GALNT2: variants seen among roughly 807,000 people sequenced by gnomAD.
GALNT2 encodes the protein polypeptide N-acetylgalactosaminyltransferase 2, also known as UDP-GalNAc:polypeptide N-acetylgalactosaminyltransferase 2.
In GALNT2, 31 loss-of-function variants were observed where a neutral mutation model predicts 81.4. The ratio of observed to expected loss-of-function variants is 0.38; its 90% CI spans 0.29 to 0.51. GALNT2 has a LOEUF of 0.51. GALNT2 is among the 20% of genes least tolerant of loss of function. The pLI is 0.87. For synonymous variants in GALNT2, 303 were observed against 287.4 expected (o/e 1.05, Z -0.55); for missense variants, 629 against 765.7 (o/e 0.82, Z 2.11).
intron 1 of GALNT2, among the ~76,000 whole-genome samples, chr1:230,088,110 T>C (rs573561335): frequency 6.6e-6 from 1 of 152,312 alleles, no homozygotes; most frequent in South Asian, 2.1e-4. Flanking sequence ...TTAACAATTT[T>C]TGGGGTAAAA....
intron 2 of GALNT2, among the ~76,000 whole-genome samples, chr1:230,185,304 G>GCA (rs1558129498): frequency 1.3e-5 from 1 of 76,400 alleles, no homozygotes; most frequent in African/African-American, 6.6e-5. Context: ...GTGTGTGTGC[G>GCA]CGCGTGTGTG....
chr1:230,107,619 T>TGC (rs1247783809), intron 1 of GALNT2, among the ~76,000 whole-genome samples: 11 of 145,362 alleles, frequency 7.6e-5, no homozygotes, highest in Admixed American at 2.1e-4. Context: ...TTTGTGTGTG[T>TGC]GTGTGTGTGT....
At chr1:230,095,703 C>A (rs528025476) in intron 1 of GALNT2, among the ~76,000 whole-genome samples, 1 of 152,198 alleles carries the variant, frequency 6.6e-6, no homozygotes, top group Admixed American at 6.5e-5. Flanking sequence ...AAACTTGAAC[C>A]AGTAGACTGC....
chr1:230,266,118 C>T lies in GALNT2; in HGVS notation c.1440+751C>T, dbSNP rs572516608. Among the ~76,000 whole-genome samples the T allele has an allele frequency of 8.1e-4, 124 of 152,244 alleles. 1 individual carries two copies. The highest frequency in any genetic ancestry group is 6.8e-3 in the Middle Eastern group (2 of 294). ...CTGAGGCAGGAGAATTGCCTGAACCCGGGAGGCAGAGGTTGCTGTGAGCTG... is the reference window on the plus strand; with the variant it reads ...CTGAGGCAGGAGAATTGCCTGAACCTGGGAGGCAGAGGTTGCTGTGAGCTG... On this transcript the variant is annotated intron_variant, in intron 14 of 15. Coordinates refer to ENST00000366672, the MANE Select transcript of GALNT2 (RefSeq NM_004481.5).
At chr1:230,167,961 A>ACG (rs3032421) in intron 1 of GALNT2, among the ~76,000 whole-genome samples, 69,681 of 151,586 alleles carry the variant, frequency 0.46, 18,897 homozygotes, top group Non-Finnish European at 0.61. Context: ...TTTCTAAAAT[A>ACG]CCCCCCCCTT....
chr1:230,133,182 GA>G (rs1394644556), intron 1 of GALNT2, among the ~76,000 whole-genome samples: 6 of 152,160 alleles, frequency 3.9e-5, no homozygotes, highest in Non-Finnish European at 5.9e-5. Flanking sequence ...TGTAACTTAT[GA>G]TGAACCTTTT....
At chr1:230,119,306 G>T (rs980757565) in intron 1 of GALNT2, among the ~76,000 whole-genome samples, 4 of 152,102 alleles carry the variant, frequency 2.6e-5, no homozygotes, top group Admixed American at 1.3e-4. Context: ...CTGTTTTCCA[G>T]CCTGGATTTT....
In GALNT2 at chr1:230,221,173, C is replaced by CT. The variant is rs75332951; in HGVS notation, c.375-14833dup. On this transcript the variant is annotated intron_variant, in intron 3 of 15. Coordinates refer to ENST00000366672, the MANE Select transcript of GALNT2 (RefSeq NM_004481.5). ...ACTGTATTTGCTGTTTGCCTGCCTACTTTTTTTTCATTCAGTAATACATAG... is the reference window on the plus strand; with the variant it reads ...ACTGTATTTGCTGTTTGCCTGCCTACTTTTTTTTTCATTCAGTAATACATAG... Among the ~76,000 whole-genome samples the CT allele has an allele frequency of 1.1e-4, 16 of 152,002 alleles. No individual in the cohort carries two copies. The East Asian group carries it at 2.5e-3, about 24-fold the overall frequency.
chr1:230,066,843 G>T (rs995250979), upstream of GALNT2, among the ~76,000 whole-genome samples: 1 of 151,806 alleles, frequency 6.6e-6, no homozygotes, highest in Non-Finnish European at 1.5e-5. Context: ...TCCCGGGGCA[G>T]CCACCTGTCA....
At chr1:230,219,695 G>A (rs12061439) in intron 3 of GALNT2, among the ~76,000 whole-genome samples, 11,015 of 152,174 alleles carry the variant, frequency 0.072, 813 homozygotes, top group African/African-American at 0.17. Flanking sequence ...CTTCTGACGT[G>A]GATGCATTCC....
intron 3 of GALNT2, among the ~76,000 whole-genome samples, chr1:230,224,987 A>G (rs4846846): frequency 0.3 from 46,356 of 152,174 alleles, 7,307 homozygotes; most frequent in African/African-American, 0.4. Context: ...AGCTAATTCA[A>G]ATCTCCTGTT....
Position 230,243,248 on chromosome 1 carries a change from G to A in GALNT2, c.608-58G>A. On this transcript the variant is annotated intron_variant, in intron 6 of 15. Coordinates refer to ENST00000366672, the MANE Select transcript of GALNT2 (RefSeq NM_004481.5). This position sits in a 1 kb window ranked among gnomAD's most constrained non-coding sequence, Gnocchi z 4.2. Reference sequence around the variant, plus strand: ...AGGGAGGCGTCGCCGGTTGGCATGGGGTTGTGCTGGCCCTGTGGCTTCTCT... The same window carrying A: ...AGGGAGGCGTCGCCGGTTGGCATGGAGTTGTGCTGGCCCTGTGGCTTCTCT... The A allele has an allele frequency of 1.3e-6, 2 of 1,537,858 alleles. No homozygotes were observed. The highest frequency in any genetic ancestry group is 1.7e-6 in the Non-Finnish European group (2 of 1,144,568).
chr1:230,208,130 A>G (rs927278511), intron 3 of GALNT2, among the ~76,000 whole-genome samples: 2 of 152,182 alleles, frequency 1.3e-5, no homozygotes, highest in Admixed American at 6.5e-5. Context: ...AATTAAACCA[A>G]TGGGAATTCT....
At chr1:230,170,797 T>G (rs1662766501) in intron 1 of GALNT2, among the ~76,000 whole-genome samples, 1 of 152,048 alleles carries the variant, frequency 6.6e-6, no homozygotes, top group Non-Finnish European at 1.5e-5. Context: ...CAGGTTCTTT[T>G]AAACAATCAA....
intron 1 of GALNT2, among the ~76,000 whole-genome samples, chr1:230,076,209 T>C (rs970782231): frequency 6.6e-6 from 1 of 152,248 alleles, no homozygotes; most frequent in East Asian, 1.9e-4. Context: ...AATTTGCTGA[T>C]CAGCTTCGTG....
intron 3 of GALNT2, among the ~76,000 whole-genome samples, chr1:230,215,466 C>A (rs1415110043): frequency 6.6e-6 from 1 of 152,218 alleles, no homozygotes; most frequent in Non-Finnish European, 1.5e-5. Context: ...TGTATTTCAT[C>A]CCGAATTTCT....
At chr1:230,177,163 C>T (rs1216971152) in intron 1 of GALNT2, among the ~76,000 whole-genome samples, 2 of 152,250 alleles carry the variant, frequency 1.3e-5, no homozygotes, top group Non-Finnish European at 2.9e-5. Flanking sequence ...TTGGCCCAGG[C>T]CCTGAGGTTT....
intron 1 of GALNT2, among the ~76,000 whole-genome samples, chr1:230,092,293 T>C (rs1660116808): frequency 6.6e-6 from 1 of 151,384 alleles, no homozygotes; most frequent in Non-Finnish European, 1.5e-5. Flanking sequence ...TTGAGTTCTT[T>C]CCTGGAAAGA....
chr1:230,123,960 C>G (rs933392886), intron 1 of GALNT2, among the ~76,000 whole-genome samples: 1 of 152,212 alleles, frequency 6.6e-6, no homozygotes, highest in African/African-American at 2.4e-5. Flanking sequence ...CTTAGTCATT[C>G]TGTTTATTTG....
Sources: allele counts gnomAD v4.1 joint callset (sites outside exome capture counted in the v4.1 genomes callset), GRCh38; gene constraint gnomAD v4.1.1; non-coding constraint Gnocchi (gnomAD v3.1); transcripts MANE v1.5; gene names NCBI Gene and HGNC (gene_info 2026-07-23, HGNC 2026-07-21).